LRRIQ3: variants seen among roughly 807,000 people sequenced by gnomAD.
LRRIQ3 encodes leucine rich repeats and IQ motif containing 3.
In LRRIQ3, 75 loss-of-function variants were observed where a neutral mutation model predicts 59.3. The observed-to-expected ratio is 1.26, with a 90% CI of 1.05 to 1.53. The LOEUF (loss-of-function observed/expected upper bound fraction) is 1.53, where lower values mean the gene tolerates loss of function less well. Among genes scored for constraint, LRRIQ3 ranks in the 40% most tolerant of loss-of-function variants. LRRIQ3 has a pLI of 0.00. For missense variants in LRRIQ3, 831 were observed against 710.0 expected (o/e 1.17, Z -1.94); for synonymous variants, 250 against 231.3 (o/e 1.08, Z -0.73).
chr1:74,194,560 T>C (rs1157438984), intron 1 of LRRIQ3, among the ~76,000 whole-genome samples: 2 of 152,182 alleles, frequency 1.3e-5, no homozygotes, highest in Non-Finnish European at 2.9e-5. Flanking sequence ...AAAAAGCTTT[T>C]GTGAGACCTC....
At chr1:74,186,885 G>A (rs1325462665) in intron 1 of LRRIQ3, among the ~76,000 whole-genome samples, 2 of 151,922 alleles carry the variant, frequency 1.3e-5, no homozygotes, top group African/African-American at 2.4e-5. Context: ...ACTTAATGCA[G>A]TGTCTTTTCC....
At chr1:74,081,932 ACT>A (rs1646277359) in intron 5 of LRRIQ3, 1 of 151,190 alleles carries the variant, frequency 6.6e-6, no homozygotes, top group Non-Finnish European at 1.5e-5. Context: ...AGTAAAAATT[ACT>A]CTCTCTGAGG....
At chr1:74,109,356 T>C in intron 5 of LRRIQ3, 38 bp downstream of exon 5, 1 of 1,320,156 alleles carries the variant, frequency 7.6e-7, no homozygotes, top group Non-Finnish European at 1.0e-6. Flanking sequence ...ATATCTTAAA[T>C]ACATTTCAAA....
At chr1:74,115,777 T>C (rs1300979898) in intron 4 of LRRIQ3, among the ~76,000 whole-genome samples, 2 of 152,006 alleles carry the variant, frequency 1.3e-5, no homozygotes, top group African/African-American at 2.4e-5. Flanking sequence ...AGCTTCAGGG[T>C]CATGAATCTA....
intron 6 of LRRIQ3, among the ~76,000 whole-genome samples, chr1:74,064,408 T>C (rs1209012076): frequency 6.6e-6 from 1 of 152,034 alleles, no homozygotes; most frequent in East Asian, 1.9e-4. Context: ...ATTGTTTTAT[T>C]CAGTTGTTTC....
intron 4 of LRRIQ3, among the ~76,000 whole-genome samples, chr1:74,112,855 A>G (rs1646720655): frequency 6.6e-6 from 1 of 152,168 alleles, no homozygotes; most frequent in Admixed American, 6.6e-5. Flanking sequence ...GGGCTACAGT[A>G]TCCCGGATTG....
rs532567969 is a variant in LRRIQ3 at position 74,121,833 on chromosome 1, T to G, written c.708-12280A>C. ...CCACCTATGAGTGAGAACATGCAGT[T>G]TTTGGTTTTTTGTCCTTGCGACAGT... On this transcript the variant is annotated intron_variant, in intron 4 of 7. Coordinates refer to ENST00000354431, the MANE Select transcript of LRRIQ3 (RefSeq NM_001105659.2). Among the ~76,000 whole-genome samples, 479 of 148,886 alleles carry G rather than the reference T, an allele frequency of 3.2e-3. 1 individual carries two copies. The highest frequency in any genetic ancestry group is 5.2e-3 in the Non-Finnish European group (350 of 67,310).
At chr1:74,177,341 C>G (rs1024538085) in intron 3 of LRRIQ3, among the ~76,000 whole-genome samples, 1 of 152,116 alleles carries the variant, frequency 6.6e-6, no homozygotes, top group East Asian at 1.9e-4. Flanking sequence ...TTTTGAGACC[C>G]AGACTGGATC....
At chr1:74,045,796 A>G (rs967216809) in intron 6 of LRRIQ3, among the ~76,000 whole-genome samples, 46 of 152,218 alleles carry the variant, frequency 3.0e-4, no homozygotes, top group African/African-American at 9.6e-4. Flanking sequence ...CAAAATACAC[A>G]AGTACTCCTA....
chr1:74,122,047 T>C (rs1205943672), intron 4 of LRRIQ3, among the ~76,000 whole-genome samples: 1 of 152,080 alleles, frequency 6.6e-6, no homozygotes, highest in African/African-American at 2.4e-5. Flanking sequence ...TAAACATACA[T>C]GTGCATGTGT....
intron 5 of LRRIQ3, among the ~76,000 whole-genome samples, chr1:74,097,585 C>T (rs958265554): frequency 1.3e-5 from 2 of 152,074 alleles, no homozygotes; most frequent in Non-Finnish European, 2.9e-5. Context: ...AGAAGAGCAA[C>T]TCCAAGACAC....
chr1:74,115,788 T>C (rs1013622571), intron 4 of LRRIQ3, among the ~76,000 whole-genome samples: 1 of 152,062 alleles, frequency 6.6e-6, no homozygotes, highest in Non-Finnish European at 1.5e-5. Context: ...CATGAATCTA[T>C]ACTGAGAAAA....
chr1:74,156,034 A>G (rs952142694), intron 3 of LRRIQ3, among the ~76,000 whole-genome samples, 168 bp from the exon 4 acceptor site: 4 of 152,136 alleles, frequency 2.6e-5, no homozygotes, highest in Non-Finnish European at 5.9e-5. Flanking sequence ...TGCCCTCCAA[A>G]TCTTATGTTG....
chr1:74,093,416 C>T (rs1466915209), intron 5 of LRRIQ3, among the ~76,000 whole-genome samples: 1 of 152,058 alleles, frequency 6.6e-6, no homozygotes, highest in Non-Finnish European at 1.5e-5. Flanking sequence ...AACTGTGTTT[C>T]CCTTTTCCAA....
chr1:74,131,477 T>C (rs1647019271), intron 4 of LRRIQ3, among the ~76,000 whole-genome samples: 1 of 152,198 alleles, frequency 6.6e-6, no homozygotes, highest in Admixed American at 6.5e-5. Flanking sequence ...AATTCCTCGA[T>C]AAAATACTGG....
At chr1:74,048,889 G>A (rs1654281624) in intron 6 of LRRIQ3, among the ~76,000 whole-genome samples, 1 of 151,918 alleles carries the variant, frequency 6.6e-6, no homozygotes. Context: ...ACTATCCCAG[G>A]GCTCATGAAA....
At chr1:74,040,048 C>T (rs186887136) in intron 7 of LRRIQ3, among the ~76,000 whole-genome samples, 2 of 152,136 alleles carry the variant, frequency 1.3e-5, no homozygotes, top group Admixed American at 6.5e-5. Flanking sequence ...ACCCATCTCA[C>T]GTGCAGACAC....
chr1:74,063,088 A>AT (rs1258825841), intron 6 of LRRIQ3, among the ~76,000 whole-genome samples: 164 of 147,290 alleles, frequency 1.1e-3, no homozygotes, highest in Non-Finnish European at 1.4e-3. Flanking sequence ...AAAAATCAAA[A>AT]CAAAACAAAA....
intron 4 of LRRIQ3, among the ~76,000 whole-genome samples, chr1:74,153,804 C>G (rs1384188523): frequency 1.3e-5 from 2 of 152,062 alleles, no homozygotes; most frequent in Non-Finnish European, 2.9e-5. Flanking sequence ...CACTGGAGGA[C>G]TTTAACTTGG....
Sources: allele counts gnomAD v4.1 joint callset (sites outside exome capture counted in the v4.1 genomes callset), GRCh38; gene constraint gnomAD v4.1.1; transcripts MANE v1.5; gene names NCBI Gene and HGNC (gene_info 2026-07-23, HGNC 2026-07-21).